API5: variants seen among roughly 807,000 people sequenced by gnomAD.
API5 encodes FIF.
In API5, 6 loss-of-function variants were observed where a neutral mutation model predicts 71.9. The observed-to-expected ratio is 0.08, with a 90% CI of 0.05 to 0.16. The LOEUF is 0.16. Ranked by LOEUF, API5 falls within the 10% of genes least tolerant of loss-of-function variation. The pLI, the probability that API5 is intolerant of heterozygous loss-of-function variation, is 1.00. For synonymous variants in API5, 189 were observed against 221.3 expected, an observed-to-expected ratio of 0.85 and a Z score of 1.30; for missense variants, 332 against 612.8, an observed-to-expected ratio of 0.54 and a Z score of 4.84.
chr11:43,318,578 C>T, intron 1 of API5, 62 bp from the exon 2 acceptor site: 1 of 1,591,820 alleles, frequency 6.3e-7, no homozygotes, highest in South Asian at 1.1e-5. Context: ...TTGTTATGGT[C>T]TTTTACTTTG....
intron 7 of API5, 28 bp downstream of exon 7, chr11:43,326,639 GA>G: frequency 1.6e-6 from 2 of 1,215,232 alleles, no homozygotes. Flanking sequence ...CTTTAGCACT[GA>G]TAAGGCATTC....
intron 13 of API5, among the ~76,000 whole-genome samples, chr11:43,337,895 T>A (rs928348120): frequency 6.6e-6 from 1 of 152,170 alleles, no homozygotes; most frequent in African/African-American, 2.4e-5. Context: ...ATAGTGAGAA[T>A]CAGGTGATAT....
At chr11:43,340,173 TA>T in intron 13 of API5, 1 of 310,408 alleles carries the variant, frequency 3.2e-6, no homozygotes, top group South Asian at 2.6e-5. Flanking sequence ...GAAATCAAGG[TA>T]ACCCCATTTA....
chr11:43,312,076 G>A lies in API5; in HGVS notation c.-52G>A. 2 of 1,600,324 alleles carry A rather than the reference G, an allele frequency of 1.2e-6. No individual in the cohort carries two copies. Among genetic ancestry groups the A allele is most frequent in the East Asian group, 4.5e-5 (2 of 44,654 alleles). On this transcript the variant is annotated 5_prime_UTR_variant, in exon 1 of 14. Coordinates refer to ENST00000531273, the MANE Select transcript of API5 (RefSeq NM_001142930.2). ...TTGGAGAAGTTCCGAGGCGGCGGTG[G>A]CGCCGGTCAGGACAAGGATAGCGGA...
chr11:43,336,236 C>G lies in API5; in HGVS notation c.1492+242C>G, dbSNP rs555138891. 2.8e-5 allele frequency: 13 copies of G among 458,536 alleles called. 1 individual carries two copies. In the Admixed American group the frequency reaches 5.1e-4, roughly 18 times the overall value. The allele number at this position is 458,536 out of a possible 1,614,324, so 28.4% of individuals were successfully genotyped here. ...TAAGCACTTAAAGAAAAATATGCCT[C>G]TTGTATTCAGAGGAACCAACAGAAA... On this transcript the variant is annotated intron_variant, in intron 13 of 13. Coordinates refer to ENST00000531273, the MANE Select transcript of API5 (RefSeq NM_001142930.2).
intron 1 of API5, among the ~76,000 whole-genome samples, chr11:43,314,619 A>G (rs752717864): frequency 2.0e-5 from 3 of 152,200 alleles, no homozygotes; most frequent in Non-Finnish European, 2.9e-5. Context: ...GAAATTTAAC[A>G]CAATTCTCTG....
intron 11 of API5, among the ~76,000 whole-genome samples, chr11:43,332,689 CA>C (rs2134372646): frequency 6.6e-6 from 1 of 152,212 alleles, no homozygotes; most frequent in East Asian, 1.9e-4. Context: ...CCCTCACTCT[CA>C]TATACACACA....
intron 13 of API5, chr11:43,336,377 G>A (rs1855434144): frequency 1.1e-5 from 3 of 261,450 alleles, no homozygotes; most frequent in Admixed American, 5.0e-5. Context: ...TAGTATAAAT[G>A]CTCTTTCTTG....
At position 43,326,491 on chromosome 11, in the gene API5, T is replaced by C. The variant is rs1030915463; in HGVS notation, c.751-16T>C. The stretch of plus-strand genomic sequence containing the variant: ...ATTTGTTTTTCGACAATGCATTTTC[T>C]TTGGATTTCTTACAGAAAAATGTCC... On this transcript the variant is annotated splice_polypyrimidine_tract_variant and intron_variant, in intron 6 of 13. Coordinates refer to ENST00000531273, the MANE Select transcript of API5 (RefSeq NM_001142930.2). 3 of 1,527,258 alleles carry C rather than the reference T, an allele frequency of 2.0e-6. No homozygotes were observed. Among genetic ancestry groups the C allele is most frequent in the Non-Finnish European group, 1.8e-6 (2 of 1,110,076 alleles). The allele number at this position is 1,527,258 out of a possible 1,614,324, so 94.6% of individuals were successfully genotyped here.
In API5 at chr11:43,342,495, G is replaced by C. The variant is rs368631098; in HGVS notation, c.1560G>C (p.Arg520=). Residue 520 remains arginine, a synonymous_variant, in exon 14 of 14, where the codon CGG becomes CGC. Transcript: ENST00000531273. The part of the protein sequence containing the change: ...RGWGTRGNRS[R]GRLY Reference sequence around the variant, plus strand: ...GGGGCACACGAGGAAATCGTAGTCGGGGAAGACTCTACTGAATAAGACATC... The same window carrying C: ...GGGGCACACGAGGAAATCGTAGTCGCGGAAGACTCTACTGAATAAGACATC... 2 of 1,613,188 alleles carry C rather than the reference G, an allele frequency of 1.2e-6. No homozygotes were observed. Among genetic ancestry groups the C allele is most frequent in the African/African-American group, 2.7e-5 (2 of 74,888 alleles).
At chr11:43,318,964 A>G in intron 2 of API5, 163 bp downstream of exon 2, 6 of 600,874 alleles carry the variant, frequency 1.0e-5, no homozygotes, top group Non-Finnish European at 1.6e-5. Context: ...GATAAAGTGT[A>G]TTAGCCTTTT....
At chr11:43,316,412 G>A (rs1429014248) in intron 1 of API5, among the ~76,000 whole-genome samples, 1 of 150,160 alleles carries the variant, frequency 6.7e-6, no homozygotes. Flanking sequence ...ATTTAATTTT[G>A]GACAGTGTAA....
At chr11:43,333,024 C>A (rs1855310276) in intron 11 of API5, among the ~76,000 whole-genome samples, 1 of 152,144 alleles carries the variant, frequency 6.6e-6, no homozygotes, top group Admixed American at 6.5e-5. Flanking sequence ...GAAACAGTAA[C>A]AAAGGGCCAA....
At chr11:43,334,279 A>G (rs781591408) in intron 11 of API5, among the ~76,000 whole-genome samples, 10 of 152,166 alleles carry the variant, frequency 6.6e-5, no homozygotes, top group Non-Finnish European at 1.5e-4. Flanking sequence ...TCCCCAAACT[A>G]TACGCCATTT....
At chr11:43,337,836 A>G (rs1855486069) in intron 13 of API5, among the ~76,000 whole-genome samples, 1 of 152,200 alleles carries the variant, frequency 6.6e-6, no homozygotes, top group East Asian at 1.9e-4. Flanking sequence ...GGACAAGTCA[A>G]TTTGATTTTA....
At chr11:43,336,691 G>C (rs970155794) in intron 13 of API5, among the ~76,000 whole-genome samples, 1 of 152,050 alleles carries the variant, frequency 6.6e-6, no homozygotes, top group Admixed American at 6.6e-5. Flanking sequence ...GAAATATCAG[G>C]TCAATTCCTT....
intron 3 of API5, 84 bp from the exon 4 acceptor site, chr11:43,321,327 A>T: frequency 8.6e-7 from 1 of 1,164,740 alleles, no homozygotes; most frequent in African/African-American, 1.5e-5. Context: ...ACCTTGAGAA[A>T]CTAAGTTGAA....
intron 11 of API5, among the ~76,000 whole-genome samples, chr11:43,332,449 T>A (rs536421805): frequency 6.6e-6 from 1 of 152,088 alleles, no homozygotes; most frequent in East Asian, 1.9e-4. Context: ...AACCAAACCT[T>A]AGGTTTGGTT....
intron 1 of API5, 102 bp downstream of exon 1, chr11:43,312,298 TCCTCCCGGGG>T: frequency 7.7e-7 from 1 of 1,298,744 alleles, no homozygotes; most frequent in Non-Finnish European, 1.1e-6. Flanking sequence ...TGCGGCTTCA[TCCTCCCGGGG>T]CCTCCTAGCC....
Sources: gnomAD v4.1 joint callset for allele counts (sites outside exome capture counted in the v4.1 genomes callset) on GRCh38, gnomAD v4.1.1 for gene constraint, MANE v1.5 for transcripts, NCBI Gene and HGNC (gene_info 2026-07-23, HGNC 2026-07-21) for gene names.